Variants in ATM observed in about 807,000 individuals in gnomAD.
The protein encoded by ATM is serine-protein kinase ATM.
ATM carries 308 observed loss-of-function variants against 387.0 expected under a neutral mutation model. That is an observed-to-expected ratio of 0.80 (90% CI 0.73 to 0.87). ATM has a LOEUF of 0.87. ATM is among the 40% of genes least tolerant of loss of function. The pLI is 0.00. For synonymous variants in ATM, 1,156 were observed against 1,187.3 expected, an observed-to-expected ratio of 0.97 and a Z score of 0.54; for missense variants, 3,312 against 3,560.9, an observed-to-expected ratio of 0.93 and a Z score of 1.78.
chr11:108,317,146 C>T (rs530765284), intron 42 of ATM, among the ~76,000 whole-genome samples: 103 of 151,336 alleles, frequency 6.8e-4, no homozygotes, highest in Admixed American at 1.1e-3. Flanking sequence ...GGTTTGTTGT[C>T]CAGGCTGGTC....
At chr11:108,271,494 C>T (rs1053089963) in intron 20 of ATM, 88 bp downstream of exon 20, 2 of 1,443,780 alleles carry the variant, frequency 1.4e-6, no homozygotes, top group African/African-American at 2.8e-5. Context: ...GTGATTTCTT[C>T]TGATCTTCCT....
Position 108,367,530 on chromosome 11 carries a change from G to A in ATM, c.*2022G>A, listed in dbSNP as rs1430306992. ...AGTAAAACTACTGACTCGTGTATTAGTGAGTATAATCTCTTCTCCATCCTT... is the reference window on the plus strand; with the variant it reads ...AGTAAAACTACTGACTCGTGTATTAATGAGTATAATCTCTTCTCCATCCTT... On this transcript the variant is annotated 3_prime_UTR_variant, in exon 63 of 63. Transcript: ENST00000675843. 2 of 205,208 alleles carry A rather than the reference G, an allele frequency of 9.7e-6. No individual in the cohort carries two copies. The highest frequency in any genetic ancestry group is 7.4e-5 in the East Asian group (1 of 13,426). The allele number at this position is 205,208 out of a possible 1,614,324, so 12.7% of individuals were successfully genotyped here.
chr11:108,296,667 A>G (rs1339111273), intron 32 of ATM, among the ~76,000 whole-genome samples: 1 of 152,252 alleles, frequency 6.6e-6, no homozygotes, highest in African/African-American at 2.4e-5. Flanking sequence ...AAATGTATGT[A>G]AATAGAAACA....
chr11:108,330,663 AGTTT>A (rs2086158982), intron 50 of ATM, among the ~76,000 whole-genome samples: 1 of 152,184 alleles, frequency 6.6e-6, no homozygotes, highest in Non-Finnish European at 1.5e-5. Context: ...AAATGATGCA[AGTTT>A]GTGTGGAGGT....
intron 38 of ATM, among the ~76,000 whole-genome samples, chr11:108,309,658 A>T (rs1015983320): frequency 6.6e-6 from 1 of 152,200 alleles, no homozygotes; most frequent in Non-Finnish European, 1.5e-5. Context: ...ACCTATTAAC[A>T]CAGTGGAAGA....
Position 108,310,214 on chromosome 11 carries a change from A to G in ATM, c.5817A>G (p.Leu1939=), listed in dbSNP as rs749652134. 5.6e-6 allele frequency: 9 copies of G among 1,613,690 alleles called. 1 individual carries two copies. In the South Asian group the frequency reaches 9.9e-5, roughly 18 times the overall value. The part of the protein sequence containing the change: ...NDAFWLDLNY[L]EVAKVAQSCA... ...CTTTCTGGCTGGATTTAAATTATCT[A>G]GAAGTTGCCAAGGTAGCTCAGTCTT... Residue 1939 remains leucine, a synonymous_variant, in exon 39 of 63, where the codon CTA becomes CTG. Coordinates refer to ENST00000675843, the MANE Select transcript of ATM (RefSeq NM_000051.4).
Position 108,321,415 on chromosome 11 carries a change from C to T in ATM, c.6567C>T (p.Phe2189=). The change falls in exon 45 of 63, where the codon TTC becomes TTT. Residue 2189 remains phenylalanine (F), a synonymous_variant. Coordinates refer to ENST00000675843, the MANE Select transcript of ATM (RefSeq NM_000051.4). ...IGELESIGEL[F]SRSVTHRQLS... is the part of the protein sequence containing the mutation. ...AGCTGGAAAGCATTGGGGAGCTTTT[C>T]TCAAGGTATGTAATTCGTATGACTT... 1.2e-6 allele frequency: 2 copies of T among 1,614,108 alleles called. No individual in the cohort carries two copies. Among genetic ancestry groups the T allele is most frequent in the South Asian group, 1.1e-5 (1 of 91,084 alleles).
chr11:108,265,167 A>T (rs1286681466), intron 16 of ATM, among the ~76,000 whole-genome samples: 4 of 151,782 alleles, frequency 2.6e-5, no homozygotes, highest in African/African-American at 9.7e-5. Context: ...AAGAGCCCGC[A>T]TCGGCAAGTC....
intron 47 of ATM, among the ~76,000 whole-genome samples, chr11:108,326,762 A>G (rs551289789): frequency 6.6e-6 from 1 of 152,348 alleles, no homozygotes; most frequent in East Asian, 1.9e-4. Flanking sequence ...AGGTTTGTCT[A>G]CAGTGGTGTC....
intron 37 of ATM, among the ~76,000 whole-genome samples, chr11:108,307,676 A>T (rs887764987): frequency 6.6e-6 from 1 of 152,210 alleles, no homozygotes; most frequent in Non-Finnish European, 1.5e-5. Flanking sequence ...TCCTCCTTTG[A>T]AATAAAATAT....
At chr11:108,261,917 A>C (rs2080915690) in intron 16 of ATM, among the ~76,000 whole-genome samples, 1 of 152,104 alleles carries the variant, frequency 6.6e-6, no homozygotes, top group Admixed American at 6.5e-5. Context: ...ATGAAGCGAG[A>C]AGGGAAGTTT....
intron 59 of ATM, among the ~76,000 whole-genome samples, chr11:108,351,855 C>G (rs564320411): frequency 6.6e-6 from 1 of 152,196 alleles, no homozygotes; most frequent in Non-Finnish European, 1.5e-5. Context: ...ACCTGCTAGT[C>G]TATATTTTCT....
At chr11:108,258,741 A>G (rs1182417306) in intron 15 of ATM, among the ~76,000 whole-genome samples, 5 of 152,202 alleles carry the variant, frequency 3.3e-5, no homozygotes, top group Admixed American at 3.3e-4. Flanking sequence ...ACTCTAACCT[A>G]TAATTATAGC....
rs1197214197 is a variant in ATM at position 108,327,733 on chromosome 11, T to A, written c.7064T>A (p.Val2355Asp). ...LAETCLENPA[V>D]IMQTYLEKAV... is the part of the protein sequence containing the mutation. ...GAAACGTGCTTAGAAAATCCTGCGG[T>A]CATCATGCAGACCTATCTAGAAAAG... The change falls in exon 48 of 63, where the codon GTC (valine) becomes GAC (aspartate). Residue 2355 changes from valine to aspartate, a missense_variant. Physicochemically the swap from Val to Asp is radical, Grantham distance 152 (BLOSUM62 -3). Coordinates refer to ENST00000675843, the MANE Select transcript of ATM (RefSeq NM_000051.4). The A allele has an allele frequency of 6.2e-7, 1 of 1,613,988 alleles. No homozygotes were observed. Among genetic ancestry groups the A allele is most frequent in the East Asian group, 2.2e-5 (1 of 44,842 alleles).
rs1565500074 is a variant in ATM, at chr11:108,316,112, A to G, written c.6197A>G (p.Gln2066Arg). The change falls in exon 42 of 63, where the codon CAG becomes CGG. Residue 2066 changes from glutamine to arginine, a missense_variant and splice_region_variant. Physicochemically the swap from Gln to Arg is conservative, Grantham distance 43 (BLOSUM62 1). This residue lies in a region of ATM where 1,405 missense variants were observed against 1,604.4 expected (regional missense o/e 0.88). Coordinates refer to ENST00000675843, the MANE Select transcript of ATM (RefSeq NM_000051.4). ...TCAACACGCCAGGCAGGAATCATTC[A>G]GGTACATTTTTTCCCAGATTTGGTA... Reference protein sequence around the residue: ...PSSTRQAGIIQALQNLGLCHI... With the variant: ...PSSTRQAGIIRALQNLGLCHI... The G allele has an allele frequency of 6.2e-7, 1 of 1,613,814 alleles. No individual in the cohort carries two copies. Among genetic ancestry groups the G allele is most frequent in the Non-Finnish European group, 8.5e-7 (1 of 1,179,734 alleles).
intron 50 of ATM, 180 bp from the exon 51 acceptor site, chr11:108,331,264 G>A (rs2086203800): frequency 3.0e-6 from 4 of 1,353,292 alleles, no homozygotes; most frequent in Non-Finnish European, 3.8e-6. Flanking sequence ...TTAATCTAGA[G>A]TACCCATTAG....
At chr11:108,345,935 T>G (rs56153531) in intron 58 of ATM, 27 bp downstream of exon 58, 102 of 1,612,336 alleles carry the variant, frequency 6.3e-5, no homozygotes, top group Admixed American at 1.0e-4. Context: ...TATAGTAGAT[T>G]GAGCACTTTG....
rs747317946 is a variant in ATM at position 108,297,379 on chromosome 11, C to T, written c.5002C>T (p.Leu1668=). The T allele has an allele frequency of 1.7e-5, 28 of 1,612,488 alleles. No homozygotes were observed. Among genetic ancestry groups the T allele is most frequent in the Non-Finnish European group, 1.0e-5 (12 of 1,178,598 alleles). ...AINHTGEKEV[L]EAVGSCLGEV... is the part of the protein sequence containing the mutation. ...AAACCACACTGGTGAAAAAGAAGTT[C>T]TAGGTAAACTACAGTCATGCGCTGC... The change falls in exon 33 of 63, where the codon CTA becomes TTA. Residue 1668 remains leucine (L), a synonymous_variant. Transcript: ENST00000675843.
intron 24 of ATM, 136 bp downstream of exon 24, chr11:108,281,304 GA>G: frequency 1.1e-6 from 1 of 893,308 alleles, no homozygotes; most frequent in Admixed American, 2.2e-5. Flanking sequence ...GGGAATATTG[GA>G]AAGCAGTTAT....
Sources: allele counts gnomAD v4.1 joint callset (sites outside exome capture counted in the v4.1 genomes callset), GRCh38; gene constraint gnomAD v4.1.1; regional missense constraint gnomAD v4.1.1; transcripts MANE v1.5; gene names NCBI Gene and HGNC (gene_info 2026-07-23, HGNC 2026-07-21).